Variants in CTNNA1 observed in about 807,000 individuals in gnomAD.
CTNNA1 encodes catenin alpha 1.
In CTNNA1, 37 loss-of-function variants were observed where a neutral mutation model predicts 98.4. That is an observed-to-expected ratio of 0.38 (90% CI 0.29 to 0.49). The LOEUF (loss-of-function observed/expected upper bound fraction) is 0.49. CTNNA1 is among the 20% of genes least tolerant of loss of function. The probability of loss-of-function intolerance (pLI) is 0.95; values close to 1 mark genes in which losing one functional copy is unlikely to be tolerated. For missense variants in CTNNA1, 761 were observed against 1,147.2 expected, an observed-to-expected ratio of 0.66 and a Z score of 4.86; for synonymous variants, 404 against 413.2, an observed-to-expected ratio of 0.98 and a Z score of 0.27.
intron 3 of CTNNA1, among the ~76,000 whole-genome samples, chr5:138,799,935 C>T (rs1441911379): frequency 7.2e-5 from 11 of 151,878 alleles, no homozygotes; most frequent in African/African-American, 2.2e-4. Flanking sequence ...CTTGCTCTGT[C>T]GCCCAGTCTG....
chr5:138,859,101 G>A (rs1764021977), intron 7 of CTNNA1, among the ~76,000 whole-genome samples: 1 of 152,162 alleles, frequency 6.6e-6, no homozygotes, highest in African/African-American at 2.4e-5. Flanking sequence ...TCATCATTCT[G>A]AATTCCTAAA....
At chr5:138,865,011 A>C (rs1764617096) in intron 7 of CTNNA1, among the ~76,000 whole-genome samples, 1 of 151,614 alleles carries the variant, frequency 6.6e-6, no homozygotes, top group African/African-American at 2.4e-5. Context: ...ACGGGGTTTC[A>C]CCATCTTGGC....
chr5:138,874,184 T>G lies in CTNNA1; in HGVS notation c.1063-12028T>G, dbSNP rs914095856. The G allele has an allele frequency of 1.9e-6, 3 of 1,614,008 alleles. No homozygotes were observed. The highest frequency in any genetic ancestry group is 1.7e-5 in the Admixed American group (1 of 60,022). The stretch of plus-strand genomic sequence containing the variant: ...GTTAATCAGTTGGGTAAAAGTTGTG[T>G]TTGGCAAGTAAAATATTTTGTTGGA... On this transcript the variant is annotated intron_variant, in intron 7 of 17. Coordinates refer to ENST00000302763, the MANE Select transcript of CTNNA1 (RefSeq NM_001903.5). This position sits in a 1 kb window ranked among gnomAD's most constrained non-coding sequence, Gnocchi z 4.1.
intron 11 of CTNNA1, among the ~76,000 whole-genome samples, chr5:138,922,947 G>A (rs544220980): frequency 9.6e-4 from 145 of 150,980 alleles, no homozygotes; most frequent in African/African-American, 3.2e-3. Flanking sequence ...AAAAAAAACC[G>A]TAGAAGTATC....
intron 7 of CTNNA1, among the ~76,000 whole-genome samples, chr5:138,853,326 A>G (rs1282862766): frequency 6.6e-6 from 1 of 151,416 alleles, no homozygotes; most frequent in Non-Finnish European, 1.5e-5. Context: ...AAGTCATTGG[A>G]TTTGCTTTTT....
chr5:138,758,354 A>G (rs946384813), intron 1 of CTNNA1, among the ~76,000 whole-genome samples: 1 of 146,924 alleles, frequency 6.8e-6, no homozygotes, highest in African/African-American at 2.6e-5. Context: ...GGCGCCTGCC[A>G]CCACACCCGG....
At chr5:138,818,287 C>T (rs1226852976) in intron 5 of CTNNA1, among the ~76,000 whole-genome samples, 9 of 144,426 alleles carry the variant, frequency 6.2e-5, no homozygotes, top group Admixed American at 4.2e-4. Context: ...TTTTTGGGAG[C>T]GGGGGTGGGT....
At chr5:138,761,417 A>C (rs943212948) in intron 1 of CTNNA1, among the ~76,000 whole-genome samples, 2 of 152,068 alleles carry the variant, frequency 1.3e-5, no homozygotes. Flanking sequence ...TTGTACTTTT[A>C]GTAGAGACGG....
chr5:138,852,915 A>G (rs1243981834), intron 7 of CTNNA1, among the ~76,000 whole-genome samples: 2 of 129,778 alleles, frequency 1.5e-5, no homozygotes, highest in African/African-American at 5.6e-5. Flanking sequence ...TCAAAGTGGG[A>G]TCATTGTTCA....
At chr5:138,794,482 T>C (rs1756717793) in intron 3 of CTNNA1, among the ~76,000 whole-genome samples, 1 of 152,212 alleles carries the variant, frequency 6.6e-6, no homozygotes, top group South Asian at 2.1e-4. Flanking sequence ...TTACCAAATA[T>C]CCCTCCTTGA....
chr5:138,774,108 C>G (rs1383956486), intron 1 of CTNNA1, among the ~76,000 whole-genome samples: 1 of 152,118 alleles, frequency 6.6e-6, no homozygotes, highest in East Asian at 1.9e-4. Flanking sequence ...GTCTTGAGAT[C>G]CCGACCTCAG....
intron 7 of CTNNA1, among the ~76,000 whole-genome samples, chr5:138,840,615 AT>A (rs1357238259): frequency 3.3e-5 from 5 of 152,232 alleles, no homozygotes; most frequent in Non-Finnish European, 5.9e-5. Context: ...AATGTAGCCA[AT>A]TAATAGTTGT....
rs147017133 is a variant in CTNNA1, at chr5:138,911,862, A to C, written c.1390-5880A>C. On this transcript the variant is annotated intron_variant, in intron 10 of 17. Coordinates refer to ENST00000302763, the MANE Select transcript of CTNNA1 (RefSeq NM_001903.5). ...AGAGTCTGGATATATTTTGAAGGTG[A>C]ACTTTACTGAAGGATTAGATGTGAG... is the stretch of plus-strand genomic sequence containing the variant. 1.0e-3 allele frequency among the ~76,000 whole-genome samples: 155 copies of C among 152,352 alleles called. 1 individual carries two copies. The East Asian group carries it at 0.027, about 27-fold the overall frequency.
chr5:138,777,178 C>T (rs1262474793), intron 1 of CTNNA1, among the ~76,000 whole-genome samples: 303 of 142,880 alleles, frequency 2.1e-3, no homozygotes, highest in Middle Eastern at 7.5e-3. Flanking sequence ...ACCTCCCAGA[C>T]GGGGTCGCGG....
chr5:138,934,387 G>GCCCATTCTCT lies in CTNNA1; in HGVS notation c.*299_*308dup. 1 of 324,128 alleles carries GCCCATTCTCT rather than the reference G, an allele frequency of 3.1e-6. No individual in the cohort carries two copies. The highest frequency in any genetic ancestry group is 4.2e-5 in the South Asian group (1 of 23,544). 20.1% of individuals were successfully genotyped at this position (324,128 alleles called of 1,614,324 possible). A position where few individuals can be genotyped will look rare whatever the true frequency, so the allele number is the denominator to read the frequency against. On this transcript the variant is annotated 3_prime_UTR_variant, in exon 18 of 18. Transcript: ENST00000302763. The stretch of plus-strand genomic sequence containing the variant: ...AGTAATGCTCTGACCAAGCCGAGAT[G>GCCCATTCTCT]CCCATTCTCTTAGTGATGGCGGCGT...
intron 3 of CTNNA1, among the ~76,000 whole-genome samples, chr5:138,799,587 A>G (rs1215019316): frequency 6.6e-6 from 1 of 151,840 alleles, no homozygotes; most frequent in African/African-American, 2.4e-5. Context: ...TAATTTTGAA[A>G]TGAAACTTAT....
chr5:138,900,044 A>G (rs918340061), intron 9 of CTNNA1, among the ~76,000 whole-genome samples: 99 of 152,338 alleles, frequency 6.5e-4, no homozygotes, highest in African/African-American at 2.2e-3. Flanking sequence ...GGGGCTTATC[A>G]TCATTTCCCC....
At chr5:138,849,149 TC>T (rs1232924189) in intron 7 of CTNNA1, among the ~76,000 whole-genome samples, 1 of 152,262 alleles carries the variant, frequency 6.6e-6, no homozygotes, top group Non-Finnish European at 1.5e-5. Context: ...GATTATTCTT[TC>T]CTACTGGTTT....
chr5:138,888,285 GCTTA>G (rs1456198647), intron 9 of CTNNA1, among the ~76,000 whole-genome samples: 5 of 152,110 alleles, frequency 3.3e-5, no homozygotes, highest in African/African-American at 1.2e-4. Flanking sequence ...GGTAAGTTAG[GCTTA>G]CTTCTCCTTT....
Sources: allele counts gnomAD v4.1 joint callset (sites outside exome capture counted in the v4.1 genomes callset), GRCh38; gene constraint gnomAD v4.1.1; non-coding constraint Gnocchi (gnomAD v3.1); transcripts MANE v1.5; gene names NCBI Gene and HGNC (gene_info 2026-07-23, HGNC 2026-07-21).